Variants in EIF4G3 observed in about 807,000 individuals in gnomAD.
EIF4G3 encodes the protein eukaryotic translation initiation factor 4 gamma 3.
A neutral mutation model predicts 186.4 loss-of-function variants in EIF4G3; 34 were observed. The observed-to-expected ratio is 0.18, with a 90% confidence interval of 0.14 to 0.24. The LOEUF (loss-of-function observed/expected upper bound fraction) is 0.24. EIF4G3 is among the 10% of genes least tolerant of loss of function. EIF4G3 has a pLI of 1.00. For synonymous variants in EIF4G3, 673 were observed against 679.5 expected, an observed-to-expected ratio of 0.99 and a Z score of 0.15; for missense variants, 1,536 against 1,948.5, an observed-to-expected ratio of 0.79 and a Z score of 3.99.
chr1:20,814,110 G>A (rs1012906243), intron 34 of EIF4G3, among the ~76,000 whole-genome samples: 2 of 151,316 alleles, frequency 1.3e-5, no homozygotes, highest in African/African-American at 2.4e-5. Flanking sequence ...TCAGCCTCCC[G>A]AGTAGCTGGG....
intron 2 of EIF4G3, among the ~76,000 whole-genome samples, chr1:21,160,364 T>C (rs1449331375): frequency 2.0e-5 from 3 of 152,148 alleles, no homozygotes; most frequent in East Asian, 1.9e-4. Context: ...AAAGTCACAA[T>C]TGGGCAACCA....
chr1:21,052,727 C>T (rs868313074), intron 3 of EIF4G3, among the ~76,000 whole-genome samples: 17 of 150,714 alleles, frequency 1.1e-4, no homozygotes, highest in Admixed American at 4.0e-4. Context: ...ATTGCAGGCG[C>T]GCGCCGCCAC....
chr1:21,107,744 T>C (rs2096642337), intron 2 of EIF4G3, among the ~76,000 whole-genome samples: 1 of 152,172 alleles, frequency 6.6e-6, no homozygotes, highest in South Asian at 2.1e-4. Context: ...AGTGGTACAA[T>C]CATGGCTCAC....
chr1:20,817,453 C>T lies in EIF4G3; in HGVS notation c.4454G>A (p.Arg1485Gln), dbSNP rs762591581. ...KELSAEELYK[R>Q]LEKLIIEDKA... Reference sequence around the variant, plus strand: ...GTCCTCAATAATGAGTTTCTCGAGTCGCTTATACAGCTCTTCGGCAGACAG... The same window carrying T: ...GTCCTCAATAATGAGTTTCTCGAGTTGCTTATACAGCTCTTCGGCAGACAG... Residue 1485 changes from arginine (R) to glutamine (Q), a missense_variant, in exon 34 of 37, where the codon CGA becomes CAA. By Grantham distance (43) the Arg-to-Gln change is conservative. Transcript: ENST00000602326. The T allele has an allele frequency of 1.8e-5, 29 of 1,609,414 alleles. No individual in the cohort carries two copies. Among genetic ancestry groups the T allele is most frequent in the East Asian group, 2.2e-5 (1 of 44,740 alleles).
At chr1:21,134,539 G>A (rs2097205218) in intron 2 of EIF4G3, among the ~76,000 whole-genome samples, 1 of 152,252 alleles carries the variant, frequency 6.6e-6, no homozygotes, top group Admixed American at 6.5e-5. Flanking sequence ...ACATGGTGGT[G>A]CACACTTGTA....
At chr1:20,876,443 T>TA (rs386366428) in intron 20 of EIF4G3, among the ~76,000 whole-genome samples, 6,827 of 80,746 alleles carry the variant, frequency 0.085, 187 homozygotes, top group Middle Eastern at 0.11. Context: ...ATTTATTAAG[T>TA]AAAAAAAAAA....
At chr1:21,024,608 C>T (rs1364171990) in intron 4 of EIF4G3, among the ~76,000 whole-genome samples, 2 of 150,152 alleles carry the variant, frequency 1.3e-5, no homozygotes, top group African/African-American at 4.9e-5. Context: ...CCTGTGCTCT[C>T]TGAAACATGT....
intron 30 of EIF4G3, among the ~76,000 whole-genome samples, chr1:20,831,517 C>T (rs1160304046): frequency 3.3e-5 from 5 of 150,742 alleles, no homozygotes; most frequent in Admixed American, 6.6e-5. Flanking sequence ...CCAACCTGAT[C>T]GATTCTTTGC....
chr1:21,092,658 A>T (rs1322527542), intron 2 of EIF4G3, among the ~76,000 whole-genome samples: 2 of 152,202 alleles, frequency 1.3e-5, no homozygotes, highest in African/African-American at 4.8e-5. Flanking sequence ...CCTAAGCCAG[A>T]AGAACAAAGC....
chr1:21,067,155 G>A lies in EIF4G3; in HGVS notation c.-195-16161C>T, dbSNP rs1253806145. Among the ~76,000 whole-genome samples the A allele has an allele frequency of 5.6e-5, 7 of 124,366 alleles. No individual in the cohort carries two copies. In the South Asian group the frequency reaches 1.5e-3, roughly 26 times the overall value. The allele number at this position is 124,366 out of a possible 152,430, so 81.6% of individuals were successfully genotyped here. On this transcript the variant is annotated intron_variant, in intron 3 of 36. Coordinates refer to ENST00000602326, the MANE Select transcript of EIF4G3 (RefSeq NM_001391906.1). ...TCTTTTTTTTTTTTTTTTTTGAGAC[G>A]GAGTTTCATTCTTATCACCTAGGGT...
intron 12 of EIF4G3, among the ~76,000 whole-genome samples, chr1:20,953,726 C>T (rs2096303606): frequency 6.6e-6 from 1 of 152,128 alleles, no homozygotes; most frequent in African/African-American, 2.4e-5. Context: ...AGACAAGGGT[C>T]AACAACTACA....
chr1:20,840,900 C>G lies in EIF4G3; in HGVS notation c.4017G>C (p.Gln1339His). ...TRDHMGQLLY[Q>H]LVQSEKLSKQ... ...TGCTGAGTTTTTCTGACTGTACCAGCTGATAGAGTAATTGGCCCATGTGAT... is the reference window on the plus strand; with the variant it reads ...TGCTGAGTTTTTCTGACTGTACCAGGTGATAGAGTAATTGGCCCATGTGAT... Residue 1339 changes from glutamine (Q) to histidine (H), a missense_variant, in exon 30 of 37, where the codon CAG becomes CAC. Around this residue, in one of 11 missense-constraint regions of EIF4G3, gnomAD observed 395 missense variants for 498.9 expected, o/e 0.79. Transcript: ENST00000602326. The G allele has an allele frequency of 6.2e-7, 1 of 1,614,138 alleles. No homozygotes were observed. The highest frequency in any genetic ancestry group is 2.2e-5 in the East Asian group (1 of 44,876).
chr1:20,949,968 AAAGAT>A (rs762570437), intron 13 of EIF4G3, 30 bp downstream of exon 13: 10 of 1,541,296 alleles, frequency 6.5e-6, no homozygotes, highest in African/African-American at 2.7e-5. Flanking sequence ...AAAAGAGACT[AAAGAT>A]AAGAGGGAGG....
intron 14 of EIF4G3, among the ~76,000 whole-genome samples, chr1:20,910,194 T>C (rs1442861294): frequency 6.6e-6 from 1 of 152,148 alleles, no homozygotes; most frequent in African/African-American, 2.4e-5. Context: ...TTAAAAAAGA[T>C]TCTAAAAAGA....
At chr1:21,060,627 C>T (rs1035242924) in intron 3 of EIF4G3, among the ~76,000 whole-genome samples, 5 of 152,024 alleles carry the variant, frequency 3.3e-5, no homozygotes, top group Non-Finnish European at 5.9e-5. Context: ...TAAAAGCTAT[C>T]ATGCCAGGCC....
chr1:20,956,589 C>G (rs1019423923), intron 12 of EIF4G3, among the ~76,000 whole-genome samples: 1 of 108,418 alleles, frequency 9.2e-6, no homozygotes, highest in African/African-American at 3.7e-5. Flanking sequence ...AGAACCTCAG[C>G]AACTTAGGTA....
At chr1:20,919,110 CTTTGT>C (rs2094235231) in intron 14 of EIF4G3, among the ~76,000 whole-genome samples, 1 of 151,956 alleles carries the variant, frequency 6.6e-6, no homozygotes. Flanking sequence ...TTATTAGATG[CTTTGT>C]TTTCTTTTTA....
chr1:20,933,171 C>T (rs187489763), intron 14 of EIF4G3, among the ~76,000 whole-genome samples: 6 of 152,170 alleles, frequency 3.9e-5, no homozygotes, highest in African/African-American at 4.8e-5. Context: ...CTTAAAAAGA[C>T]GTGAAAGAGG....
chr1:21,148,585 C>G (rs1224284221), intron 2 of EIF4G3, among the ~76,000 whole-genome samples: 2 of 151,556 alleles, frequency 1.3e-5, no homozygotes, highest in African/African-American at 4.8e-5. Context: ...GCCTGTAGTC[C>G]CAGCTACTCG....
Sources: gnomAD v4.1 joint callset for allele counts (sites outside exome capture counted in the v4.1 genomes callset) on GRCh38, gnomAD v4.1.1 for gene constraint, gnomAD v4.1.1 regional missense constraint, MANE v1.5 for transcripts, NCBI Gene and HGNC (gene_info 2026-07-23, HGNC 2026-07-21) for gene names.